POTEC: variants seen among roughly 807,000 people sequenced by gnomAD.
The protein encoded by POTEC is ANKRD26-like family B member 2.
Under a neutral mutation model 62.0 loss-of-function variants are expected in POTEC, and 35 were observed. The ratio of observed to expected loss-of-function variants is 0.56; its 90% confidence interval spans 0.43 to 0.75. POTEC has a LOEUF of 0.75. Among genes scored for constraint, POTEC ranks in the 30% least tolerant of loss-of-function variants. The pLI is 0.00. For synonymous variants in POTEC, 156 were observed against 221.5 expected (o/e 0.70, Z 2.62); for missense variants, 472 against 655.9 (o/e 0.72, Z 3.06).
At chr18:14,518,776 A>G (rs1206250900) in intron 9 of POTEC, among the ~76,000 whole-genome samples, 2 of 147,806 alleles carry the variant, frequency 1.4e-5, no homozygotes, top group African/African-American at 2.5e-5. Flanking sequence ...GGAACTGCGA[A>G]TCACAGAGGT....
chr18:14,510,011 C>A lies in POTEC; in HGVS notation c.*1887G>T, dbSNP rs1208431791. 1.3e-5 allele frequency: 2 copies of A among 149,818 alleles called. No individual in the cohort carries two copies. The highest frequency in any genetic ancestry group is 5.0e-5 in the African/African-American group (2 of 40,340). 9.3% of individuals were successfully genotyped at this position (149,818 alleles called of 1,614,324 possible). A position where few individuals can be genotyped will look rare whatever the true frequency, so the allele number is the denominator to read the frequency against. ...CATAAGAGCAAGTGGAGCCTAGAGACATAGCTGTCCCTGCCCTCCAGGCTC... is the reference window on the plus strand; with the variant it reads ...CATAAGAGCAAGTGGAGCCTAGAGAAATAGCTGTCCCTGCCCTCCAGGCTC... On this transcript the variant is annotated 3_prime_UTR_variant, in exon 11 of 11. Transcript: ENST00000358970.
chr18:14,535,376 TG>T, intron 3 of POTEC, among the ~76,000 whole-genome samples: 1 of 151,592 alleles, frequency 6.6e-6, no homozygotes, highest in Non-Finnish European at 1.5e-5. Flanking sequence ...ACAAAATTGT[TG>T]TGTATAAAGC....
intron 9 of POTEC, among the ~76,000 whole-genome samples, chr18:14,521,647 G>A (rs1474630159): frequency 6.6e-6 from 1 of 152,058 alleles, no homozygotes; most frequent in East Asian, 1.9e-4. Flanking sequence ...TGTTCAAAAT[G>A]TATTTACCAA....
intron 9 of POTEC, among the ~76,000 whole-genome samples, chr18:14,517,472 CTG>C (rs1233008162): frequency 6.6e-6 from 1 of 152,170 alleles, no homozygotes; most frequent in African/African-American, 2.4e-5. Flanking sequence ...AATTCCAACT[CTG>C]TCTCTTTATT....
rs201926352 is a variant in POTEC, at chr18:14,511,771, T to C, written c.*127A>G. On this transcript the variant is annotated 3_prime_UTR_variant, in exon 11 of 11. Transcript: ENST00000358970. ...CTAAGCTGTCCACTGTACTTAAATA[T>C]TGGTTTTCGTTAATGCTTCTTCATT... is the stretch of plus-strand genomic sequence containing the variant. 2.1e-5 allele frequency: 21 copies of C among 989,110 alleles called. No homozygotes were observed. Among genetic ancestry groups the C allele is most frequent in the Non-Finnish European group, 2.7e-5 (17 of 629,696 alleles). The allele number at this position is 989,110 out of a possible 1,614,324, so 61.3% of individuals were successfully genotyped here. A position where few individuals can be genotyped will look rare whatever the true frequency, so the allele number is the denominator to read the frequency against.
intron 9 of POTEC, among the ~76,000 whole-genome samples, chr18:14,518,213 T>C (rs1309761120): frequency 1.3e-5 from 2 of 152,074 alleles, no homozygotes; most frequent in African/African-American, 4.8e-5. Flanking sequence ...GAGGATATTG[T>C]AGTGAAAAAT....
At chr18:14,537,289 T>G (rs1567915635) in intron 3 of POTEC, among the ~76,000 whole-genome samples, 1 of 151,802 alleles carries the variant, frequency 6.6e-6, no homozygotes, top group South Asian at 2.1e-4. Flanking sequence ...CCTTGATATT[T>G]CTGATTGCTG....
Position 14,542,632 on chromosome 18 carries a change from T to C in POTEC, c.515A>G (p.Gln172Arg). The C allele has an allele frequency of 1.2e-6, 2 of 1,612,434 alleles. No individual in the cohort carries two copies. Among genetic ancestry groups the C allele is most frequent in the East Asian group, 2.2e-5 (1 of 44,808 alleles). The change falls in exon 1 of 11, where the codon CAA (glutamine) becomes CGA (arginine). Residue 172 changes from glutamine (Q) to arginine (R), a missense_variant. Around this residue, in one of 5 missense-constraint regions of POTEC, gnomAD observed 257 missense variants for 250.7 expected, o/e 1.03. Coordinates refer to ENST00000358970, the MANE Select transcript of POTEC (RefSeq NM_001137671.2). ...CCATCCCAGGCCCAGTTACCTCTTT[T>C]GCTTGTCCCTCTTGTTCATGTCCGT... is the stretch of plus-strand genomic sequence containing the variant. ...RDTDMNKRDK[Q>R]KRTALHLASA...
chr18:14,517,936 T>C (rs1019114212), intron 9 of POTEC, among the ~76,000 whole-genome samples: 25 of 152,140 alleles, frequency 1.6e-4, no homozygotes, highest in African/African-American at 5.3e-4. Context: ...TGATTACTAG[T>C]AAAAGAATAA....
intron 1 of POTEC, among the ~76,000 whole-genome samples, chr18:14,541,888 C>G (rs1247114820): frequency 1.3e-5 from 2 of 152,118 alleles, no homozygotes; most frequent in African/African-American, 4.8e-5. Context: ...TCTGGATTTC[C>G]TATTCTGTTC....
At chr18:14,532,482 C>T (rs1348047297) in intron 5 of POTEC, among the ~76,000 whole-genome samples, 1 of 152,104 alleles carries the variant, frequency 6.6e-6, no homozygotes, top group Non-Finnish European at 1.5e-5. Flanking sequence ...TCAGTAAGGG[C>T]ATCTTGGTGT....
chr18:14,516,134 C>T (rs1170900167), intron 9 of POTEC, among the ~76,000 whole-genome samples: 6 of 149,912 alleles, frequency 4.0e-5, no homozygotes, highest in Non-Finnish European at 8.9e-5. Flanking sequence ...GTAGATCTTA[C>T]CATTCTATCC....
In POTEC at chr18:14,543,584, G is replaced by GT. The variant is rs1339577384; in HGVS notation, c.-439dup. 3.5e-6 allele frequency: 1 copy of GT among 286,402 alleles called. No individual in the cohort carries two copies. The highest frequency in any genetic ancestry group is 6.6e-6 in the Non-Finnish European group (1 of 152,150). 17.7% of individuals were successfully genotyped at this position (286,402 alleles called of 1,614,324 possible). A position where few individuals can be genotyped will look rare whatever the true frequency, so the allele number is the denominator to read the frequency against. On this transcript the variant is annotated 5_prime_UTR_variant, in exon 1 of 11. Coordinates refer to ENST00000358970, the MANE Select transcript of POTEC (RefSeq NM_001137671.2). ...GCAAAGCGAAGCGTACCCGTTACAG[G>GT]TAAGCCAAGCCGTTATGCGCGTGCG...
At chr18:14,517,564 A>G (rs201375879) in intron 9 of POTEC, among the ~76,000 whole-genome samples, 1 of 6,958 alleles carries the variant, frequency 1.4e-4, no homozygotes, top group East Asian at 1.2e-3. Flanking sequence ...TTTTTTTTTT[A>G]AAATAAAATA....
chr18:14,531,587 G>A (rs886196718), intron 5 of POTEC: 6 of 151,778 alleles, frequency 4.0e-5, no homozygotes, highest in Admixed American at 3.9e-4. Context: ...ATCACATTTC[G>A]ATATTTTGGT....
chr18:14,537,275 T>C (rs1313272026), intron 3 of POTEC, among the ~76,000 whole-genome samples: 54 of 150,598 alleles, frequency 3.6e-4, no homozygotes, highest in Non-Finnish European at 2.9e-5. Flanking sequence ...AATTTCCAAG[T>C]TGGCCTTGAT....
chr18:14,541,200 T>G (rs1905920644), intron 1 of POTEC, among the ~76,000 whole-genome samples: 1 of 152,112 alleles, frequency 6.6e-6, no homozygotes, highest in Non-Finnish European at 1.5e-5. Flanking sequence ...TTCATTCCTC[T>G]TCTAACTTAA....
intron 6 of POTEC, among the ~76,000 whole-genome samples, chr18:14,525,469 G>GA (rs933262420): frequency 6.6e-6 from 1 of 151,854 alleles, no homozygotes; most frequent in African/African-American, 2.4e-5. Flanking sequence ...GAAAAGTTAA[G>GA]AAAACAAATT....
chr18:14,530,252 TCA>T lies in POTEC; in HGVS notation c.1126+229_1126+230del, dbSNP rs543895594. Reference sequence around the variant, plus strand: ...ACCATCTAGTTGCAGAAAAATAAGCTCAGAGTTTCCACGGATTCTACATTATA... The same window carrying T: ...ACCATCTAGTTGCAGAAAAATAAGCTGAGTTTCCACGGATTCTACATTATA... On this transcript the variant is annotated intron_variant, in intron 6 of 10. Transcript: ENST00000358970. Among the ~76,000 whole-genome samples, 414 of 152,096 alleles carry T rather than the reference TCA, an allele frequency of 2.7e-3. 3 individuals carry two copies. The highest frequency in any genetic ancestry group is 9.4e-3 in the African/African-American group (391 of 41,508).
Sources: allele counts gnomAD v4.1 joint callset (sites outside exome capture counted in the v4.1 genomes callset), GRCh38; gene constraint gnomAD v4.1.1; regional missense constraint gnomAD v4.1.1; transcripts MANE v1.5; gene names NCBI Gene and HGNC (gene_info 2026-07-23, HGNC 2026-07-21).